PFKFB3: variants seen among roughly 807,000 people sequenced by gnomAD.
PFKFB3 encodes the protein 6-phosphofructo-2-kinase/fructose-2,6-bisphosphatase 3.
PFKFB3 carries 33 observed loss-of-function variants against 68.0 expected under a neutral mutation model. The observed-to-expected ratio is 0.49, with a 90% CI of 0.37 to 0.65. The LOEUF (loss-of-function observed/expected upper bound fraction) is 0.65, where lower values mean the gene tolerates loss of function less well. Among genes scored for constraint, PFKFB3 ranks in the 30% least tolerant of loss-of-function variants. The probability of loss-of-function intolerance (pLI) is 0.00; values close to 1 mark genes in which losing one functional copy is unlikely to be tolerated. For synonymous variants in PFKFB3, 315 were observed against 288.2 expected, an observed-to-expected ratio of 1.09 and a Z score of -0.94; for missense variants, 586 against 712.2, an observed-to-expected ratio of 0.82 and a Z score of 2.02.
the PFKFB3 span, among the ~76,000 whole-genome samples, chr10:6,275,570 T>C: frequency 6.6e-6 from 1 of 152,046 alleles, no homozygotes; most frequent in African/African-American, 2.4e-5. This position sits in a 1 kb window ranked among gnomAD's most constrained non-coding sequence, Gnocchi z 4.9. Context: ...CACACAATTG[T>C]TCCCCACACG....
intron 1 of PFKFB3, among the ~76,000 whole-genome samples, chr10:6,178,631 C>T (rs567883055): frequency 6.6e-6 from 1 of 152,266 alleles, no homozygotes; most frequent in East Asian, 1.9e-4. Flanking sequence ...TGCCCTGGGC[C>T]GTGGAGATGA....
chr10:6,306,127 G>C, the PFKFB3 span, among the ~76,000 whole-genome samples: 3 of 152,172 alleles, frequency 2.0e-5, no homozygotes, highest in Non-Finnish European at 4.4e-5. Flanking sequence ...TCAAACTCCT[G>C]GGCTTAAGTG....
chr10:6,148,629 G>A (rs980025746), intron 1 of PFKFB3, among the ~76,000 whole-genome samples: 3 of 152,184 alleles, frequency 2.0e-5, no homozygotes, highest in Admixed American at 6.5e-5. Context: ...GTATCTTGAC[G>A]TGAAACATAA....
At chr10:6,161,523 G>A (rs1411770623) in intron 1 of PFKFB3, among the ~76,000 whole-genome samples, 1 of 150,756 alleles carries the variant, frequency 6.6e-6, no homozygotes, top group African/African-American at 2.5e-5. Flanking sequence ...ATGTCCTTGA[G>A]TCATAGATAT....
the PFKFB3 span, among the ~76,000 whole-genome samples, chr10:6,318,487 T>A: frequency 6.6e-6 from 1 of 152,198 alleles, no homozygotes; most frequent in Non-Finnish European, 1.5e-5. Flanking sequence ...GTAGAGGGGA[T>A]CCTGTCCATT....
In PFKFB3 at chr10:6,233,809, A is replaced by G. The variant is rs36102318; in HGVS notation, c.*867A>G. The G allele has an allele frequency of 0.042, 6,380 of 152,932 alleles. 227 individuals are homozygous for G. Among genetic ancestry groups the G allele is most frequent in the Middle Eastern group, 0.16 (47 of 294 alleles). 9.5% of individuals were successfully genotyped at this position (152,932 alleles called of 1,614,324 possible). A position where few individuals can be genotyped will look rare whatever the true frequency, so the allele number is the denominator to read the frequency against. ...TCCCACCTTCTCTTCAGGAACGTAG[A>G]TGTTGGGGTGTCTTGCCCTGGGGGG... is the stretch of plus-strand genomic sequence containing the variant. On this transcript the variant is annotated 3_prime_UTR_variant, in exon 15 of 15. Coordinates refer to ENST00000379775, the MANE Select transcript of PFKFB3 (RefSeq NM_004566.4).
the PFKFB3 span, among the ~76,000 whole-genome samples, chr10:6,319,894 G>A: frequency 6.6e-6 from 1 of 152,258 alleles, no homozygotes; most frequent in East Asian, 1.9e-4. Context: ...TTCTTGGTCA[G>A]GTCAATAAAC....
rs969847429 is a variant in PFKFB3 at position 6,216,907 on chromosome 10, C to T, written c.441+127C>T. On this transcript the variant is annotated intron_variant, in intron 5 of 14. Transcript: ENST00000379775. Reference sequence around the variant, plus strand: ...TGTTCCTTAGTCCTGCTCGGTCCCTCCCCTCCTGCTGCCCACGTTTTGTGG... The same window carrying T: ...TGTTCCTTAGTCCTGCTCGGTCCCTTCCCTCCTGCTGCCCACGTTTTGTGG... 54 of 825,180 alleles carry T rather than the reference C, an allele frequency of 6.5e-5. No individual in the cohort carries two copies. In the African/African-American group the frequency reaches 7.8e-4, roughly 12 times the overall value. 51.1% of individuals were successfully genotyped at this position (825,180 alleles called of 1,614,324 possible).
At chr10:6,292,278 C>CTTTTTTTTTTTTTT in the PFKFB3 span, among the ~76,000 whole-genome samples, 28 of 54,306 alleles carry the variant, frequency 5.2e-4, no homozygotes, top group Non-Finnish European at 7.1e-4. Flanking sequence ...TTTTTTTTTT[C>CTTTTTTTTTTTTTT]TTTTTTTTTT....
In PFKFB3 at chr10:6,233,028, G is replaced by C; in HGVS notation, c.*86G>C. 1.9e-6 allele frequency: 2 copies of C among 1,059,516 alleles called. No individual in the cohort carries two copies. The highest frequency in any genetic ancestry group is 3.0e-6 in the Non-Finnish European group (2 of 677,666). 65.6% of individuals were successfully genotyped at this position (1,059,516 alleles called of 1,614,324 possible). On this transcript the variant is annotated 3_prime_UTR_variant, in exon 15 of 15. Coordinates refer to ENST00000379775, the MANE Select transcript of PFKFB3 (RefSeq NM_004566.4). Reference sequence around the variant, plus strand: ...CGCCCGAGGCAAAACGTATCCTGAGGACTTCTTCCGGAGAGGGTGGGGTGG... The same window carrying C: ...CGCCCGAGGCAAAACGTATCCTGAGCACTTCTTCCGGAGAGGGTGGGGTGG...
At chr10:6,286,134 C>T in the PFKFB3 span, among the ~76,000 whole-genome samples, 33 of 151,832 alleles carry the variant, frequency 2.2e-4, 1 homozygote, top group South Asian at 5.2e-3. Flanking sequence ...CCCACCACCA[C>T]GTCTGGCTAT....
intron 1 of PFKFB3, among the ~76,000 whole-genome samples, chr10:6,186,329 T>G (rs1260979487): frequency 6.6e-6 from 1 of 152,118 alleles, no homozygotes; most frequent in African/African-American, 2.4e-5. Flanking sequence ...AAGGGGTAGA[T>G]GGGCCCAGTG....
At chr10:6,311,968 A>G in the PFKFB3 span, among the ~76,000 whole-genome samples, 1 of 152,200 alleles carries the variant, frequency 6.6e-6, no homozygotes, top group Non-Finnish European at 1.5e-5. Context: ...TTCTGCAAGT[A>G]GAGGCACAGA....
chr10:6,149,759 C>A, intron 1 of PFKFB3: 1 of 157,366 alleles, frequency 6.4e-6, no homozygotes. Context: ...GCTGTGTGCT[C>A]GGTCCAAGAG....
At chr10:6,218,103 C>G (rs1428479221) in intron 6 of PFKFB3, among the ~76,000 whole-genome samples, 1 of 152,204 alleles carries the variant, frequency 6.6e-6, no homozygotes, top group Non-Finnish European at 1.5e-5. Context: ...GCAGGAGGCT[C>G]AGAGTATGAG....
At chr10:6,305,849 T>C in the PFKFB3 span, among the ~76,000 whole-genome samples, 2 of 152,186 alleles carry the variant, frequency 1.3e-5, no homozygotes, top group African/African-American at 4.8e-5. Context: ...AAATGGGTCT[T>C]TTCAGATCAC....
In PFKFB3 at chr10:6,215,082, G is replaced by T; in HGVS notation, c.203-139G>T. ...TGAGGGTAGCGTAGGACTGGGCGCC[G>T]GCATTGCTTCCACACCATCTCATTC... On this transcript the variant is annotated intron_variant, in intron 2 of 14. Transcript: ENST00000379775. The surrounding 1 kb of genome is among the most constrained non-coding windows in gnomAD (Gnocchi z 4.3). 1.5e-6 allele frequency: 1 copy of T among 680,934 alleles called. No individual in the cohort carries two copies. The highest frequency in any genetic ancestry group is 1.7e-5 in the South Asian group (1 of 58,222). The allele number at this position is 680,934 out of a possible 1,614,324, so 42.2% of individuals were successfully genotyped here. A position where few individuals can be genotyped will look rare whatever the true frequency, so the allele number is the denominator to read the frequency against.
In PFKFB3 at chr10:6,254,557, T is replaced by A. The variant is rs1002489432; in HGVS notation, c.*188T>A. ...TGATGCAAGAGAGATACGCATTTTG[T>A]AGAAGTGGAAATAGTGCTTCGAGTT... On this transcript the variant is annotated 3_prime_UTR_variant, in exon 15 of 15. Transcript: ENST00000640683. 10 of 392,410 alleles carry A rather than the reference T, an allele frequency of 2.5e-5. No individual in the cohort carries two copies. In the Admixed American group the frequency reaches 3.5e-4, roughly 14 times the overall value. The allele number at this position is 392,410 out of a possible 1,614,324, so 24.3% of individuals were successfully genotyped here.
intron 1 of PFKFB3, 58 bp from the exon 2 acceptor site, chr10:6,213,565 C>T: frequency 6.4e-7 from 1 of 1,571,638 alleles, no homozygotes; most frequent in South Asian, 1.2e-5. Flanking sequence ...GGTGTGGCCT[C>T]TGCTCCTCTT....
Sources: gnomAD v4.1 joint callset for allele counts (sites outside exome capture counted in the v4.1 genomes callset) on GRCh38, gnomAD v4.1.1 for gene constraint, Gnocchi (gnomAD v3.1) non-coding constraint, MANE v1.5 for transcripts, NCBI Gene and HGNC (gene_info 2026-07-23, HGNC 2026-07-21) for gene names.